EYS: variants seen among roughly 807,000 people sequenced by gnomAD.
EYS encodes EGF-like photoreceptor maintenance factor, also known as protein eyes shut homolog.
EYS carries 250 observed loss-of-function variants against 282.1 expected under a neutral mutation model. The ratio of observed to expected loss-of-function variants is 0.89; its 90% CI spans 0.80 to 0.98. The LOEUF is 0.98. Among genes scored for constraint, EYS ranks in the 50% least tolerant of loss-of-function variants. The probability of loss-of-function intolerance (pLI) is 0.00; values close to 1 mark genes in which losing one functional copy is unlikely to be tolerated. For synonymous variants in EYS, 1,355 were observed against 1,282.9 expected (o/e 1.06, Z -1.20); for missense variants, 4,016 against 3,709.0 (o/e 1.08, Z -2.15).
chr6:65,365,483 C>A (rs1308584158), intron 8 of EYS, among the ~76,000 whole-genome samples: 2 of 150,952 alleles, frequency 1.3e-5, no homozygotes, highest in Non-Finnish European at 2.9e-5. Context: ...TAGGTGGACA[C>A]TATTTTCAAA....
intron 19 of EYS, among the ~76,000 whole-genome samples, chr6:64,828,490 A>G (rs893179443): frequency 7.9e-5 from 12 of 151,970 alleles, no homozygotes; most frequent in African/African-American, 2.2e-4. Context: ...TGATGCATAG[A>G]TTTTATAGTA....
intron 12 of EYS, among the ~76,000 whole-genome samples, chr6:65,126,457 T>A (rs1283793026): frequency 6.6e-6 from 1 of 152,168 alleles, no homozygotes; most frequent in African/African-American, 2.4e-5. Context: ...ATAGGCTGCT[T>A]GAATTTTCCA....
At chr6:65,436,265 A>G (rs370208565) in intron 5 of EYS, among the ~76,000 whole-genome samples, 1 of 152,244 alleles carries the variant, frequency 6.6e-6, no homozygotes, top group East Asian at 1.9e-4. Flanking sequence ...TTTGGAATGA[A>G]AGGGAAATCT....
chr6:64,950,832 T>A lies in EYS; in HGVS notation c.2260-4918A>T, dbSNP rs181483586. Among the ~76,000 whole-genome samples, 699 of 102,860 alleles carry A rather than the reference T, an allele frequency of 6.8e-3. 1 individual carries two copies. Among genetic ancestry groups the A allele is most frequent in the East Asian group, 0.019 (62 of 3,322 alleles). 67.5% of individuals were successfully genotyped at this position (102,860 alleles called of 152,430 possible). A position where few individuals can be genotyped will look rare whatever the true frequency, so the allele number is the denominator to read the frequency against. On this transcript the variant is annotated intron_variant, in intron 14 of 42. Coordinates refer to ENST00000503581, the MANE Select transcript of EYS (RefSeq NM_001142800.2). Reference sequence around the variant, plus strand: ...ATATATATATATATATATATATATATATTGTTGAATTGTTACAAGAACAAC... The same window carrying A: ...ATATATATATATATATATATATATAAATTGTTGAATTGTTACAAGAACAAC...
intron 5 of EYS, among the ~76,000 whole-genome samples, chr6:65,443,290 A>G (rs1037748446): frequency 1.5e-5 from 2 of 135,882 alleles, no homozygotes; most frequent in African/African-American, 4.9e-5. Flanking sequence ...ATGCATGCAT[A>G]TATGCATACA....
At chr6:64,564,663 C>T (rs1765507658) in intron 26 of EYS, among the ~76,000 whole-genome samples, 1 of 151,978 alleles carries the variant, frequency 6.6e-6, no homozygotes, top group Non-Finnish European at 1.5e-5. Flanking sequence ...TGGAAACCAT[C>T]ATTCTCAGCA....
At chr6:64,185,265 T>A (rs1253643095) in intron 31 of EYS, among the ~76,000 whole-genome samples, 1 of 152,210 alleles carries the variant, frequency 6.6e-6, no homozygotes. Flanking sequence ...AAGACATTTT[T>A]TAATGTTCTG....
chr6:63,929,187 A>C (rs1056892806), intron 35 of EYS, among the ~76,000 whole-genome samples: 1 of 152,212 alleles, frequency 6.6e-6, no homozygotes, highest in Admixed American at 6.5e-5. Context: ...AACTGTTTCT[A>C]ATCTGATTTC....
chr6:64,789,729 A>T (rs983998476), intron 22 of EYS, among the ~76,000 whole-genome samples: 7 of 152,006 alleles, frequency 4.6e-5, no homozygotes, highest in African/African-American at 1.2e-4. Context: ...TCTTTTTTTT[A>T]AAACTGCAAG....
chr6:63,776,345 T>C (rs1770064156), intron 40 of EYS, among the ~76,000 whole-genome samples: 1 of 152,190 alleles, frequency 6.6e-6, no homozygotes, highest in Admixed American at 6.6e-5. Flanking sequence ...GTTCATTTCT[T>C]GCTATTTAGA....
At chr6:64,488,880 TAAC>T (rs925307047) in intron 26 of EYS, among the ~76,000 whole-genome samples, 102 of 151,068 alleles carry the variant, frequency 6.8e-4, no homozygotes, top group African/African-American at 2.3e-3. Flanking sequence ...TTAGGAGAAG[TAAC>T]AAGTTAATAC....
At chr6:64,859,173 C>G (rs909421057) in intron 19 of EYS, among the ~76,000 whole-genome samples, 2 of 149,722 alleles carry the variant, frequency 1.3e-5, no homozygotes, top group African/African-American at 4.9e-5. Context: ...AATAACATTT[C>G]TATATGCTAA....
chr6:63,823,338 G>A lies in EYS; in HGVS notation c.7229-16966C>T, dbSNP rs567565140. ...GAAATAATCTGTTCTTAATACATAC[G>A]ATGAAATACTTACAAATGTGCATTA... On this transcript the variant is annotated intron_variant, in intron 36 of 42. Transcript: ENST00000503581. 4.6e-5 allele frequency among the ~76,000 whole-genome samples: 7 copies of A among 152,168 alleles called. No individual in the cohort carries two copies. The East Asian group carries it at 1.4e-3, about 29-fold the overall frequency.
At chr6:65,329,435 T>C in intron 11 of EYS, 1 of 939,612 alleles carries the variant, frequency 1.1e-6, no homozygotes, top group Non-Finnish European at 1.3e-6. Context: ...TTCTAGAGCA[T>C]AATAAAGAGA....
intron 22 of EYS, among the ~76,000 whole-genome samples, chr6:64,744,358 T>C (rs1772481131): frequency 6.6e-6 from 1 of 152,160 alleles, no homozygotes; most frequent in African/African-American, 2.4e-5. Flanking sequence ...GCTTGTTTTG[T>C]GCTTCTAAGC....
At chr6:63,975,599 C>T (rs376050002) in intron 35 of EYS, among the ~76,000 whole-genome samples, 6 of 151,910 alleles carry the variant, frequency 3.9e-5, no homozygotes, top group Non-Finnish European at 7.4e-5. Flanking sequence ...TTATCACAAC[C>T]TTTTCTTGTT....
At chr6:63,982,007 G>T (rs2149790666) in intron 35 of EYS, among the ~76,000 whole-genome samples, 1 of 151,864 alleles carries the variant, frequency 6.6e-6, no homozygotes, top group Non-Finnish European at 1.5e-5. Context: ...TATCTTTATT[G>T]TTATTTTCAA....
chr6:65,468,027 C>T (rs1361962806), intron 5 of EYS, among the ~76,000 whole-genome samples: 2 of 152,102 alleles, frequency 1.3e-5, no homozygotes, highest in Non-Finnish European at 2.9e-5. Context: ...GCTCCTTTCC[C>T]CAAAGTCTCA....
At position 65,006,503 on chromosome 6, in the gene EYS, C is replaced by CAAAAA. The variant is rs59057058; in HGVS notation, c.2138-8805_2138-8801dup. The stretch of plus-strand genomic sequence containing the variant: ...TCACCAGTTCAGAGTTATTCTAAGT[C>CAAAAA]AAAAAAAAAAAAAAAAAAAAGCAAA... On this transcript the variant is annotated intron_variant, in intron 13 of 42. Transcript: ENST00000503581. Among the ~76,000 whole-genome samples the CAAAAA allele has an allele frequency of 2.9e-3, 240 of 83,150 alleles. 1 individual carries two copies. The highest frequency in any genetic ancestry group is 0.018 in the East Asian group (47 of 2,588). The allele number at this position is 83,150 out of a possible 152,430, so 54.5% of individuals were successfully genotyped here.
Sources: gnomAD v4.1 joint callset for allele counts (sites outside exome capture counted in the v4.1 genomes callset) on GRCh38, gnomAD v4.1.1 for gene constraint, MANE v1.5 for transcripts, NCBI Gene and HGNC (gene_info 2026-07-23, HGNC 2026-07-21) for gene names.